The following DKKL1 variants were observed in gnomAD, a reference collection of about 807,000 sequenced individuals.
The protein encoded by DKKL1 is dickkopf-like protein 1.
DKKL1 carries 11 observed loss-of-function variants against 16.5 expected under a neutral mutation model. The observed-to-expected ratio is 0.67, with a 90% CI of 0.42 to 1.10. The LOEUF (loss-of-function observed/expected upper bound fraction) is 1.10. Among genes scored for constraint, DKKL1 ranks in the 50% least tolerant of loss-of-function variants. The pLI, the probability that DKKL1 is intolerant of heterozygous loss-of-function variation, is 0.00. For synonymous variants in DKKL1, 119 were observed against 133.2 expected, an observed-to-expected ratio of 0.89 and a Z score of 0.73; for missense variants, 320 against 308.1, an observed-to-expected ratio of 1.04 and a Z score of -0.29.
chr19:49,363,699 G>T (rs1026914291), upstream of DKKL1: 1 of 474,156 alleles, frequency 2.1e-6, no homozygotes, highest in Non-Finnish European at 3.9e-6. Context: ...GCCAGGGAAT[G>T]AACTCACGGC....
At chr19:49,371,986 A>C (rs1366063510) in intron 4 of DKKL1, among the ~76,000 whole-genome samples, 1 of 152,116 alleles carries the variant, frequency 6.6e-6, no homozygotes, top group Non-Finnish European at 1.5e-5. Context: ...TCCATGGTGT[A>C]TATGTGCCAT....
In DKKL1 at chr19:49,374,782, A is replaced by G; in HGVS notation, c.483A>G (p.Thr161=). The change falls in exon 5 of 5, where the codon ACA becomes ACG. Residue 161 remains threonine (T), a synonymous_variant. Transcript: ENST00000221498. ...PIQKATDSFH[T]ELHPRVAFWI... ...AGAAGGCCACGGACAGCTTCCACAC[A>G]GAACTCCATCCCCGGGTGGCCTTCT... 1.2e-6 allele frequency: 2 copies of G among 1,608,536 alleles called. No homozygotes were observed. The highest frequency in any genetic ancestry group is 1.7e-6 in the Non-Finnish European group (2 of 1,176,668).
chr19:49,372,086 G>C (rs1973514228), intron 4 of DKKL1, among the ~76,000 whole-genome samples: 1 of 152,088 alleles, frequency 6.6e-6, no homozygotes, highest in Admixed American at 6.6e-5. Context: ...ACATGCATGT[G>C]CCTGTGTCTT....
In DKKL1 at chr19:49,374,836, C is replaced by A; in HGVS notation, c.537C>A (p.Ser179=). 1 of 1,613,786 alleles carries A rather than the reference C, an allele frequency of 6.2e-7. No individual in the cohort carries two copies. Among genetic ancestry groups the A allele is most frequent in the East Asian group, 2.2e-5 (1 of 44,862 alleles). The change falls in exon 5 of 5, where the codon TCC becomes TCA. Residue 179 remains serine, a synonymous_variant. Transcript: ENST00000221498. Reference sequence around the variant, plus strand: ...TCATTAAGCTGCCACGGCGGAGGTCCCACCAGGATGCCCTGGAGGGCGGCC... The same window carrying A: ...TCATTAAGCTGCCACGGCGGAGGTCACACCAGGATGCCCTGGAGGGCGGCC... ...FWIIKLPRRR[S]HQDALEGGHW... is the part of the protein sequence containing the mutation.
intron 4 of DKKL1, among the ~76,000 whole-genome samples, chr19:49,367,439 G>A (rs867135250): frequency 7.5e-6 from 1 of 132,540 alleles, no homozygotes; most frequent in African/African-American, 3.0e-5. Context: ...ACGAAGTCTC[G>A]CTCGTCCCCC....
chr19:49,361,653 A>C (rs1359014876), upstream of DKKL1: 4 of 139,894 alleles, frequency 2.9e-5, no homozygotes, highest in Admixed American at 7.3e-5. Context: ...TCAAGTTCCC[A>C]GTGACTTTCC....
At chr19:49,366,013 C>T (rs953911258) in intron 4 of DKKL1, 128 bp downstream of exon 4, 24 of 795,940 alleles carry the variant, frequency 3.0e-5, no homozygotes, top group South Asian at 2.6e-4. Flanking sequence ...CTGCAACCTC[C>T]GCCTCCGAAG....
chr19:49,362,732 G>A (rs1452028693), upstream of DKKL1, among the ~76,000 whole-genome samples: 5 of 151,020 alleles, frequency 3.3e-5, no homozygotes, highest in African/African-American at 1.2e-4. Context: ...CCTGGGTCTG[G>A]GAGAGGAAGC....
intron 4 of DKKL1, among the ~76,000 whole-genome samples, chr19:49,372,460 G>A (rs1249607714): frequency 1.3e-5 from 2 of 152,104 alleles, no homozygotes; most frequent in Non-Finnish European, 2.9e-5. Flanking sequence ...TTGGGAGACC[G>A]AGGCAGGCAG....
intron 4 of DKKL1, among the ~76,000 whole-genome samples, chr19:49,367,176 G>C (rs1476974108): frequency 6.6e-6 from 1 of 151,582 alleles, no homozygotes; most frequent in Non-Finnish European, 1.5e-5. Flanking sequence ...ACAAGTACGT[G>C]CCACCACGTC....
chr19:49,368,749 G>A (rs1223990690), intron 4 of DKKL1: 2 of 151,974 alleles, frequency 1.3e-5, no homozygotes, highest in Non-Finnish European at 2.9e-5. Context: ...TCTTTGCTTT[G>A]TGTTAGTAAC....
intron 4 of DKKL1, among the ~76,000 whole-genome samples, chr19:49,372,898 G>A (rs756731048): frequency 3.3e-5 from 5 of 152,046 alleles, no homozygotes; most frequent in Non-Finnish European, 5.9e-5. Context: ...CTACTCAGGA[G>A]GCTGAAGCAG....
intron 4 of DKKL1, among the ~76,000 whole-genome samples, chr19:49,372,375 G>A (rs1364600998): frequency 1.3e-5 from 2 of 151,066 alleles, no homozygotes; most frequent in Admixed American, 6.6e-5. Context: ...CCTGGCTAAC[G>A]TAGCGAAACC....
chr19:49,362,195 C>T (rs2146732132), upstream of DKKL1: 1 of 152,920 alleles, frequency 6.5e-6, no homozygotes, highest in Admixed American at 6.5e-5. Flanking sequence ...GGCCAGAGTT[C>T]CCACTCCTCA....
At chr19:49,370,455 C>T (rs1055251307) in intron 4 of DKKL1, 3 of 151,706 alleles carry the variant, frequency 2.0e-5, no homozygotes, top group Admixed American at 1.3e-4. Context: ...GGACGCTCTA[C>T]TGGATTGAAG....
rs1347031614 is a variant in DKKL1, at chr19:49,374,850, T to C, written c.551T>C (p.Leu184Pro). 1.2e-6 allele frequency: 2 copies of C among 1,613,908 alleles called. No homozygotes were observed. The highest frequency in any genetic ancestry group is 8.5e-7 in the Non-Finnish European group (1 of 1,179,926). ...LPRRRSHQDA[L>P]EGGHWLSEKR... ...CGGCGGAGGTCCCACCAGGATGCCC[T>C]GGAGGGCGGCCACTGGCTCAGCGAG... Residue 184 changes from leucine (L) to proline (P), a missense_variant, in exon 5 of 5, where the codon CTG becomes CCG. By Grantham distance (98) the Leu-to-Pro change is moderately conservative. Transcript: ENST00000221498.
chr19:49,364,694 C>T lies in DKKL1; in HGVS notation c.123C>T (p.Ser41=), dbSNP rs761285343. Residue 41 remains serine (S), a synonymous_variant, in exon 2 of 5, where the codon AGC becomes AGT. Coordinates refer to ENST00000221498, the MANE Select transcript of DKKL1 (RefSeq NM_014419.4). ...APIHDADAQE[S]SLGLTGLQSL... Reference sequence around the variant, plus strand: ...TCCATGATGCTGACGCCCAAGAGAGCTCCTTGGGTCTCACAGGCCTCCAGA... The same window carrying T: ...TCCATGATGCTGACGCCCAAGAGAGTTCCTTGGGTCTCACAGGCCTCCAGA... The T allele has an allele frequency of 6.8e-6, 11 of 1,614,198 alleles. No homozygotes were observed. The South Asian group carries it at 1.2e-4, about 18-fold the overall frequency.
intron 4 of DKKL1, among the ~76,000 whole-genome samples, chr19:49,367,169 A>G (rs1973285168): frequency 6.7e-6 from 1 of 150,374 alleles, no homozygotes; most frequent in African/African-American, 2.5e-5. Flanking sequence ...TGGGACTACA[A>G]GTACGTGCCA....
chr19:49,363,918 C>G lies in DKKL1; in HGVS notation c.-81C>G, dbSNP rs1188267831. The G allele has an allele frequency of 5.1e-6, 8 of 1,580,632 alleles. No homozygotes were observed. The Admixed American group carries it at 7.2e-5, about 14-fold the overall frequency. Reference sequence around the variant, plus strand: ...CCATAACTGTTTGGCTTTAACAGTACGTGGGCGGCCGGAATCCGGGAGTCC... The same window carrying G: ...CCATAACTGTTTGGCTTTAACAGTAGGTGGGCGGCCGGAATCCGGGAGTCC... On this transcript the variant is annotated 5_prime_UTR_variant, in exon 1 of 5. Transcript: ENST00000221498.
Sources: allele counts gnomAD v4.1 joint callset (sites outside exome capture counted in the v4.1 genomes callset), GRCh38; gene constraint gnomAD v4.1.1; transcripts MANE v1.5; gene names NCBI Gene and HGNC (gene_info 2026-07-23, HGNC 2026-07-21).